The following EGFLAM variants were observed in gnomAD, a reference collection of about 807,000 sequenced individuals.
EGFLAM encodes the protein pikachurin.
Under a neutral mutation model 113.1 loss-of-function variants are expected in EGFLAM, and 79 were observed. The ratio of observed to expected loss-of-function variants is 0.70; its 90% CI spans 0.58 to 0.84. The LOEUF is 0.84. Among genes scored for constraint, EGFLAM ranks in the 40% least tolerant of loss-of-function variants. The probability of loss-of-function intolerance (pLI) is 0.00; values close to 1 mark genes in which losing one functional copy is unlikely to be tolerated. For synonymous variants in EGFLAM, 504 were observed against 487.6 expected, an observed-to-expected ratio of 1.03 and a Z score of -0.44; for missense variants, 1,265 against 1,291.6, an observed-to-expected ratio of 0.98 and a Z score of 0.32.
At chr5:38,382,517 A>C (rs2112065203) in intron 6 of EGFLAM, among the ~76,000 whole-genome samples, 1 of 152,316 alleles carries the variant, frequency 6.6e-6, no homozygotes, top group Admixed American at 6.5e-5. Context: ...GTGGGCCAGC[A>C]CCATTATTTC....
intron 20 of EGFLAM, among the ~76,000 whole-genome samples, chr5:38,458,826 C>A (rs1743175387): frequency 6.6e-6 from 1 of 151,972 alleles, no homozygotes; most frequent in Non-Finnish European, 1.5e-5. Context: ...ACAAAAAATA[C>A]AAAAATTGGC....
At chr5:38,322,667 C>A (rs924060626) in intron 1 of EGFLAM, among the ~76,000 whole-genome samples, 2 of 152,136 alleles carry the variant, frequency 1.3e-5, no homozygotes, top group Admixed American at 6.5e-5. Context: ...TGGAATTACA[C>A]TTGGGAATGA....
intron 1 of EGFLAM, among the ~76,000 whole-genome samples, chr5:38,264,632 C>T (rs560101083): frequency 7.2e-5 from 11 of 152,276 alleles, no homozygotes; most frequent in South Asian, 4.1e-4. Context: ...GTTAGTTCCT[C>T]ACTTATAGCT....
At chr5:38,324,047 A>C (rs1232175238) in intron 1 of EGFLAM, among the ~76,000 whole-genome samples, 1 of 150,442 alleles carries the variant, frequency 6.6e-6, no homozygotes, top group East Asian at 1.9e-4. Flanking sequence ...CTCAAACAAA[A>C]AAAAAAAAAA....
At chr5:38,413,354 C>G (rs1180743309) in intron 11 of EGFLAM, among the ~76,000 whole-genome samples, 13 of 152,010 alleles carry the variant, frequency 8.6e-5, no homozygotes, top group African/African-American at 3.1e-4. Context: ...GTGTCAAACA[C>G]AAAGCTTGCT....
intron 1 of EGFLAM, among the ~76,000 whole-genome samples, chr5:38,304,093 C>G (rs113811892): frequency 6.6e-6 from 1 of 150,582 alleles, no homozygotes; most frequent in African/African-American, 2.4e-5. Flanking sequence ...CACGCCATTG[C>G]GCTCCAGCCT....
At chr5:38,307,369 C>T (rs1391963032) in intron 1 of EGFLAM, among the ~76,000 whole-genome samples, 2 of 152,176 alleles carry the variant, frequency 1.3e-5, no homozygotes, top group African/African-American at 2.4e-5. Flanking sequence ...GGATGGTATC[C>T]CTCATGCTGT....
rs1741024284 is a variant in EGFLAM, at chr5:38,398,670, G to C, written c.713-7456G>C. 1.3e-5 allele frequency among the ~76,000 whole-genome samples: 2 copies of C among 152,242 alleles called. 1 individual carries two copies. The highest frequency in any genetic ancestry group is 4.1e-4 in the South Asian group (2 of 4,832). On this transcript the variant is annotated intron_variant, in intron 6 of 21. Coordinates refer to ENST00000322350, the MANE Select transcript of EGFLAM (RefSeq NM_152403.4). ...GAAGAGCCAGCACAGCTGGAGCACG[G>C]TGAGAAGGAATACATTGGTGAGAGA... is the stretch of plus-strand genomic sequence containing the variant.
rs1482888727 is a variant in EGFLAM at position 38,370,421 on chromosome 5, C to G, written c.671C>G (p.Pro224Arg). The G allele has an allele frequency of 6.2e-7, 1 of 1,614,072 alleles. No individual in the cohort carries two copies. The highest frequency in any genetic ancestry group is 1.3e-5 in the African/African-American group (1 of 74,924). The change falls in exon 6 of 22, where the codon CCC (proline) becomes CGC (arginine). Residue 224 changes from proline (P) to arginine (R), a missense_variant. Physicochemically the swap from Pro to Arg is moderately radical, Grantham distance 103 (BLOSUM62 -2). Coordinates refer to ENST00000322350, the MANE Select transcript of EGFLAM (RefSeq NM_152403.4). The stretch of plus-strand genomic sequence containing the variant: ...GTGAGGGCAATGAATTCCCATGGCC[C>G]CAGCCCCCGCAGCTGGCCCAGTGAC... ...FAVRAMNSHG[P>R]SPRSWPSDII...
chr5:38,382,864 A>G (rs1740549327), intron 6 of EGFLAM, among the ~76,000 whole-genome samples: 1 of 152,158 alleles, frequency 6.6e-6, no homozygotes, highest in African/African-American at 2.4e-5. Flanking sequence ...TAATCCCAGC[A>G]TCTACCATAT....
intron 5 of EGFLAM, among the ~76,000 whole-genome samples, chr5:38,359,626 G>C (rs1262776319): frequency 2.0e-5 from 3 of 152,178 alleles, no homozygotes; most frequent in African/African-American, 2.4e-5. Context: ...AGTGAACCTA[G>C]ATCATGCCAC....
intron 6 of EGFLAM, among the ~76,000 whole-genome samples, chr5:38,389,098 G>A (rs1387536558): frequency 6.6e-6 from 1 of 152,084 alleles, no homozygotes; most frequent in Non-Finnish European, 1.5e-5. Context: ...TGCATGGCTA[G>A]ATTTTTACTG....
intron 1 of EGFLAM, among the ~76,000 whole-genome samples, chr5:38,326,917 G>A (rs1297839517): frequency 1.3e-5 from 2 of 151,182 alleles, no homozygotes; most frequent in African/African-American, 4.9e-5. Context: ...TCCTGCCTCA[G>A]CCTCCCAAGT....
chr5:38,304,702 A>G (rs2111838608), intron 1 of EGFLAM, among the ~76,000 whole-genome samples: 1 of 152,348 alleles, frequency 6.6e-6, no homozygotes, highest in South Asian at 2.1e-4. Flanking sequence ...ATGAGCAGAT[A>G]ATCAAGGATT....
intron 11 of EGFLAM, among the ~76,000 whole-genome samples, chr5:38,415,494 T>C (rs1035611823): frequency 7.2e-5 from 11 of 152,000 alleles, no homozygotes; most frequent in African/African-American, 2.7e-4. Context: ...GGCAACATGG[T>C]GAAGCCCCAT....
chr5:38,358,172 G>A (rs116059549), intron 5 of EGFLAM, among the ~76,000 whole-genome samples: 5,809 of 151,808 alleles, frequency 0.038, 175 homozygotes, highest in Middle Eastern at 0.088. Flanking sequence ...CTGGCCGGGC[G>A]TGGTGGCTCA....
In EGFLAM at chr5:38,448,301, C is replaced by A. The variant is rs554091075; in HGVS notation, c.2465C>A (p.Ala822Glu). The A allele has an allele frequency of 6.2e-7, 1 of 1,614,086 alleles. No individual in the cohort carries two copies. The highest frequency in any genetic ancestry group is 1.3e-5 in the African/African-American group (1 of 75,020). Residue 822 changes from alanine to glutamate, a missense_variant and splice_region_variant, in exon 18 of 22, where the codon GCG becomes GAG. Physicochemically the swap from Ala to Glu is moderately radical, Grantham distance 107. Coordinates refer to ENST00000322350, the MANE Select transcript of EGFLAM (RefSeq NM_152403.4). ...LGFEGLHCQKAIIEAIEIPQF... is the reference protein window; with the variant it reads ...LGFEGLHCQKEIIEAIEIPQF... ...ACCTCCTTTTTCTGTTCTGTCCCAG[C>A]GATCATAGAAGCCATTGAGATCCCG...
At chr5:38,268,481 C>T (rs1460322622) in intron 1 of EGFLAM, among the ~76,000 whole-genome samples, 5 of 152,072 alleles carry the variant, frequency 3.3e-5, no homozygotes, top group African/African-American at 9.7e-5. Flanking sequence ...TGGGAAATGT[C>T]GTTCAGTAGT....
chr5:38,364,570 A>G (rs1313314448), intron 5 of EGFLAM, among the ~76,000 whole-genome samples: 2 of 152,168 alleles, frequency 1.3e-5, no homozygotes. Flanking sequence ...GTGCCCATCT[A>G]TATCCTGAAG....
Sources: gnomAD v4.1 joint callset for allele counts (sites outside exome capture counted in the v4.1 genomes callset) on GRCh38, gnomAD v4.1.1 for gene constraint, MANE v1.5 for transcripts, NCBI Gene and HGNC (gene_info 2026-07-23, HGNC 2026-07-21) for gene names.